Variants in CSRNP2 observed in about 807,000 individuals in gnomAD.
The protein encoded by CSRNP2 is cysteine and serine rich nuclear protein 2.
Under a neutral mutation model 36.6 loss-of-function variants are expected in CSRNP2, and 11 were observed. The ratio of observed to expected loss-of-function variants is 0.30; its 90% confidence interval spans 0.19 to 0.50. CSRNP2 has a LOEUF of 0.50. Among genes scored for constraint, CSRNP2 ranks in the 20% least tolerant of loss-of-function variants. CSRNP2 has a pLI of 0.98. For synonymous variants in CSRNP2, 248 were observed against 275.3 expected, an observed-to-expected ratio of 0.90 and a Z score of 0.98; for missense variants, 483 against 691.4, an observed-to-expected ratio of 0.70 and a Z score of 3.38.
intron 4 of CSRNP2, among the ~76,000 whole-genome samples, chr12:51,066,417 G>A (rs891182328): frequency 4.7e-5 from 7 of 149,676 alleles, no homozygotes; most frequent in African/African-American, 1.2e-4. Context: ...CACGCGCTAC[G>A]GCACTCCAGC....
At chr12:51,076,355 T>C in intron 2 of CSRNP2, 56 bp downstream of exon 2, 1 of 1,587,090 alleles carries the variant, frequency 6.3e-7, no homozygotes, top group Non-Finnish European at 8.6e-7. Context: ...CGAGCTGCCA[T>C]GGGTTCTGCT....
chr12:51,079,806 G>A (rs1401471216), intron 1 of CSRNP2, among the ~76,000 whole-genome samples: 1 of 148,766 alleles, frequency 6.7e-6, no homozygotes, highest in Non-Finnish European at 1.5e-5. Context: ...TGGGTGTGGT[G>A]GCTCACGCCT....
chr12:51,064,589 G>A lies in CSRNP2; in HGVS notation c.789C>T (p.Ile263=), dbSNP rs1246783619. The stretch of plus-strand genomic sequence containing the variant: ...TGTGGAGGTAATGAGTCCGGACCCG[G>A]ATTGGATTAAATTCAATGCGTCCTG... The part of the protein sequence containing the change: ...NMAGRIEFNP[I]RVRTHYLHTI... Residue 263 remains isoleucine (I), a synonymous_variant, in exon 5 of 5, where the codon ATC becomes ATT. Transcript: ENST00000228515. 6.3e-7 allele frequency: 1 copy of A among 1,598,792 alleles called. No homozygotes were observed. The highest frequency in any genetic ancestry group is 1.8e-5 in the Admixed American group (1 of 56,542).
intron 2 of CSRNP2, among the ~76,000 whole-genome samples, chr12:51,074,435 T>C (rs1326167215): frequency 6.6e-6 from 1 of 152,164 alleles, no homozygotes; most frequent in Non-Finnish European, 1.5e-5. Context: ...CTTTATTAAC[T>C]CAGGGATGAC....
At chr12:51,068,694 G>A (rs1938672382) in intron 3 of CSRNP2, among the ~76,000 whole-genome samples, 1 of 152,050 alleles carries the variant, frequency 6.6e-6, no homozygotes, top group Non-Finnish European at 1.5e-5. Flanking sequence ...AGAGGAAAAG[G>A]TATGTGAATG....
chr12:51,082,768 G>A (rs950514727), intron 1 of CSRNP2: 1 of 152,176 alleles, frequency 6.6e-6, no homozygotes, highest in Non-Finnish European at 1.5e-5. Flanking sequence ...AGAAATATGG[G>A]AGACATCAGG....
In CSRNP2 at chr12:51,067,887, T is replaced by G. The variant is rs778911811; in HGVS notation, c.494A>C (p.Glu165Ala). Reference protein sequence around the residue: ...DDVSDEDIDVENVEVDDYFFL... With the variant: ...DDVSDEDIDVANVEVDDYFFL... ...GAAGTAATCATCCACCTCCACATTT[T>G]CCACATCAATATCTTCATCTGACAC... Residue 165 changes from glutamate (E) to alanine (A), a missense_variant, in exon 4 of 5, where the codon GAA becomes GCA. Physicochemically the swap from Glu to Ala is moderately radical, Grantham distance 107 (BLOSUM62 -1). Transcript: ENST00000228515. This position sits in a 1 kb window ranked among gnomAD's most constrained non-coding sequence, Gnocchi z 4.1. 6.2e-7 allele frequency: 1 copy of G among 1,614,172 alleles called. No homozygotes were observed. Among genetic ancestry groups the G allele is most frequent in the Non-Finnish European group, 8.5e-7 (1 of 1,180,026 alleles).
intron 4 of CSRNP2, among the ~76,000 whole-genome samples, chr12:51,066,192 C>T (rs1474096214): frequency 2.6e-5 from 4 of 151,928 alleles, no homozygotes; most frequent in African/African-American, 9.7e-5. Flanking sequence ...CGGTGGCTCA[C>T]GCCTGTAATC....
chr12:51,071,129 G>A (rs1939131875), intron 3 of CSRNP2, among the ~76,000 whole-genome samples: 1 of 152,034 alleles, frequency 6.6e-6, no homozygotes, highest in African/African-American at 2.4e-5. Context: ...CAGCATGGTG[G>A]TACATGCCTA....
intron 3 of CSRNP2, among the ~76,000 whole-genome samples, chr12:51,071,446 A>G (rs897259944): frequency 4.0e-5 from 6 of 150,872 alleles, no homozygotes; most frequent in African/African-American, 1.5e-4. Flanking sequence ...AAACTAGGTA[A>G]GGTAAAGCAA....
At chr12:51,078,056 G>C (rs897111962) in intron 1 of CSRNP2, among the ~76,000 whole-genome samples, 2 of 152,172 alleles carry the variant, frequency 1.3e-5, no homozygotes, top group Non-Finnish European at 2.9e-5. Context: ...AATCTCCCCA[G>C]ACTATGATCT....
intron 3 of CSRNP2, among the ~76,000 whole-genome samples, chr12:51,072,677 G>C (rs1443725113): frequency 6.7e-6 from 1 of 150,216 alleles, no homozygotes; most frequent in African/African-American, 2.4e-5. Flanking sequence ...CAGGTGGCAG[G>C]CACAGTATTA....
At chr12:51,079,038 C>T (rs1325132569) in intron 1 of CSRNP2, among the ~76,000 whole-genome samples, 1 of 152,184 alleles carries the variant, frequency 6.6e-6, no homozygotes, top group African/African-American at 2.4e-5. Flanking sequence ...GAATACTATG[C>T]AGCCATAAAA....
At chr12:51,075,018 T>TTG (rs1939337730) in intron 2 of CSRNP2, among the ~76,000 whole-genome samples, 1 of 152,014 alleles carries the variant, frequency 6.6e-6, no homozygotes, top group African/African-American at 2.4e-5. Context: ...TGAGCCGAGA[T>TTG]TGTGCCACTG....
In CSRNP2 at chr12:51,067,895, A is replaced by T. The variant is rs757511655; in HGVS notation, c.486T>A (p.Ile162=). Residue 162 remains isoleucine (I), a synonymous_variant, in exon 4 of 5, where the codon ATT becomes ATA. Transcript: ENST00000228515. The surrounding 1 kb of genome is among the most constrained non-coding windows in gnomAD (Gnocchi z 4.1). ...LTLDDVSDED[I]DVENVEVDDY... ...CATCCACCTCCACATTTTCCACATC[A>T]ATATCTTCATCTGACACATCATCCA... is the stretch of plus-strand genomic sequence containing the variant. 1.2e-5 allele frequency: 20 copies of T among 1,613,962 alleles called. No individual in the cohort carries two copies. Among genetic ancestry groups the T allele is most frequent in the Non-Finnish European group, 2.5e-6 (3 of 1,180,032 alleles).
intron 2 of CSRNP2, among the ~76,000 whole-genome samples, chr12:51,074,864 A>G (rs569418341): frequency 6.6e-6 from 1 of 152,136 alleles, no homozygotes; most frequent in Non-Finnish European, 1.5e-5. Flanking sequence ...CAAGAGATCA[A>G]GACCATCCTG....
In CSRNP2 at chr12:51,080,127, A is replaced by AGCAGGCAG. The variant is rs138392211; in HGVS notation, c.-87+3204_-87+3211dup. Among the ~76,000 whole-genome samples, 520 of 137,930 alleles carry AGCAGGCAG rather than the reference A, an allele frequency of 3.8e-3. 5 individuals carry two copies. The highest frequency in any genetic ancestry group is 5.9e-3 in the Non-Finnish European group (386 of 65,748). The allele number at this position is 137,930 out of a possible 152,430, so 90.5% of individuals were successfully genotyped here. ...GGGAGGGAGGGAAGAGAAGAAGGCA[A>AGCAGGCAG]GCAGGCAGGCAGGCAGGCAGGCAGG... On this transcript the variant is annotated intron_variant, in intron 1 of 4. Coordinates refer to ENST00000228515, the MANE Select transcript of CSRNP2 (RefSeq NM_030809.3).
intron 1 of CSRNP2, among the ~76,000 whole-genome samples, chr12:51,080,150 AGGCAGGCAGGCAGGCAGGCAGGC>A (rs1939583551): frequency 2.2e-4 from 1 of 4,518 alleles, no homozygotes; most frequent in African/African-American, 3.1e-4. Context: ...GCAGGCAGGC[AGGCAGGCAGGCAGGCAGGCAGGC>A]AGGCGGTCTT....
chr12:51,066,815 A>G (rs1938422349), intron 4 of CSRNP2, among the ~76,000 whole-genome samples: 1 of 152,168 alleles, frequency 6.6e-6, no homozygotes, highest in South Asian at 2.1e-4. Context: ...TAGAATCTAC[A>G]GGCCCACACC....
Sources: gnomAD v4.1 joint callset for allele counts (sites outside exome capture counted in the v4.1 genomes callset) on GRCh38, gnomAD v4.1.1 for gene constraint, Gnocchi (gnomAD v3.1) non-coding constraint, MANE v1.5 for transcripts, NCBI Gene and HGNC (gene_info 2026-07-23, HGNC 2026-07-21) for gene names.